The following MYH4 variants were observed in gnomAD, a reference collection of about 807,000 sequenced individuals.
The protein encoded by MYH4 is myosin heavy chain 4.
MYH4 carries 200 observed loss-of-function variants against 229.9 expected under a neutral mutation model. The observed-to-expected ratio is 0.87, with a 90% CI of 0.78 to 0.98. The LOEUF (loss-of-function observed/expected upper bound fraction) is 0.98, where lower values mean the gene tolerates loss of function less well. MYH4 is among the 50% of genes least tolerant of loss of function. The pLI is 0.00. For missense variants in MYH4, 2,148 were observed against 2,332.6 expected, an observed-to-expected ratio of 0.92 and a Z score of 1.63; for synonymous variants, 761 against 834.6, an observed-to-expected ratio of 0.91 and a Z score of 1.52.
chr17:10,465,626 C>G, intron 4 of MYH4, 28 bp from the exon 5 acceptor site: 1 of 1,613,816 alleles, frequency 6.2e-7, no homozygotes, highest in Non-Finnish European at 8.5e-7. Context: ...GTTCCTCGAT[C>G]AGCAATCACC....
chr17:10,466,467 C>T (rs1180715765), intron 3 of MYH4, 51 bp from the exon 4 acceptor site: 1 of 1,612,074 alleles, frequency 6.2e-7, no homozygotes, highest in Admixed American at 1.7e-5. Flanking sequence ...GCAGAAAAAG[C>T]CAGGTCAAAA....
chr17:10,448,050 C>A lies in MYH4; in HGVS notation c.4733G>T (p.Arg1578Leu), dbSNP rs761755212. The change falls in exon 34 of 40, where the codon CGA becomes CTA. Residue 1578 changes from arginine (R) to leucine (L), a missense_variant. Transcript: ENST00000255381. ...ELNQVKSEIDRKIAEKDEELD... is the reference protein window; with the variant it reads ...ELNQVKSEIDLKIAEKDEELD... ...TTCTTCATCTTTTTCAGCAATTTTT[C>A]GGTCAATCTCAGATTTCACCTGATT... The A allele has an allele frequency of 1.2e-6, 2 of 1,613,928 alleles. No individual in the cohort carries two copies. The highest frequency in any genetic ancestry group is 1.3e-5 in the African/African-American group (1 of 74,896).
At position 10,460,335 on chromosome 17, in the gene MYH4, G is replaced by T. The variant is rs536766620; in HGVS notation, c.1148-14C>A. On this transcript the variant is annotated splice_polypyrimidine_tract_variant and intron_variant, in intron 12 of 39. Coordinates refer to ENST00000255381, the MANE Select transcript of MYH4 (RefSeq NM_017533.2). ...CTTTGTCAGCAACTGTGTGAACAAG[G>T]TGAGAATGGTGAAACTGACCATGGC... is the stretch of plus-strand genomic sequence containing the variant. 1.9e-6 allele frequency: 3 copies of T among 1,549,322 alleles called. No individual in the cohort carries two copies. The Admixed American group carries it at 5.2e-5, about 27-fold the overall frequency.
In MYH4 at chr17:10,453,743, C is replaced by T; in HGVS notation, c.2834G>A (p.Arg945Lys). The change falls in exon 23 of 40, where the codon AGG becomes AAG. Residue 945 changes from arginine to lysine, a missense_variant. Transcript: ENST00000255381. ...CTCTGAACATTCATCCTCCAGTTTC[C>T]TCTTCTTGGCTGTCAGCTCAGCATT... ...EINAELTAKK[R>K]KLEDECSELK... 4 of 1,614,048 alleles carry T rather than the reference C, an allele frequency of 2.5e-6. No homozygotes were observed. Among genetic ancestry groups the T allele is most frequent in the South Asian group, 1.1e-5 (1 of 91,078 alleles).
At chr17:10,450,017 T>C (rs2072555052) in intron 30 of MYH4, among the ~76,000 whole-genome samples, 1 of 152,210 alleles carries the variant, frequency 6.6e-6, no homozygotes, top group Admixed American at 6.5e-5. Context: ...AGGTTGTTAG[T>C]TGAAATAATG....
chr17:10,451,267 G>A, intron 28 of MYH4, 59 bp downstream of exon 28: 1 of 1,584,970 alleles, frequency 6.3e-7, no homozygotes, highest in Non-Finnish European at 8.6e-7. Flanking sequence ...TGATAGGTAG[G>A]TAAAGGCTTG....
intron 30 of MYH4, 22 bp from the exon 31 acceptor site, chr17:10,449,069 G>A: frequency 1.2e-6 from 2 of 1,610,340 alleles, no homozygotes; most frequent in East Asian, 2.2e-5. Context: ...GTCAGTATGA[G>A]TGACCAAGAG....
At chr17:10,468,358 C>A (rs562033297) in intron 2 of MYH4, among the ~76,000 whole-genome samples, 1 of 152,216 alleles carries the variant, frequency 6.6e-6, no homozygotes, top group South Asian at 2.1e-4. Flanking sequence ...CCCAATAGAG[C>A]CTCAGGTTGT....
At position 10,445,166 on chromosome 17, in the gene MYH4, T is replaced by G; in HGVS notation, c.5296-20A>C. ...GGCAGCCTAGTTAGCAAATAAATTT[T>G]GAAAATAATGAATTCTGATGATAGC... On this transcript the variant is annotated intron_variant, in intron 36 of 39. Coordinates refer to ENST00000255381, the MANE Select transcript of MYH4 (RefSeq NM_017533.2). The G allele has an allele frequency of 2.5e-6, 4 of 1,614,172 alleles. No homozygotes were observed. Among genetic ancestry groups the G allele is most frequent in the Non-Finnish European group, 3.4e-6 (4 of 1,180,014 alleles).
At position 10,452,191 on chromosome 17, in the gene MYH4, G is replaced by T. The variant is rs1177159333; in HGVS notation, c.3488C>A (p.Ala1163Asp). Residue 1163 changes from alanine (A) to aspartate (D), a missense_variant, in exon 27 of 40, where the codon GCC becomes GAC. By Grantham distance (126) the Ala-to-Asp change is moderately radical. Coordinates refer to ENST00000255381, the MANE Select transcript of MYH4 (RefSeq NM_017533.2). ...CCGCTTCTTGTTCATCTCAATCTGG[G>T]CTGAAGTGGCCCCACCGGCTTCTTC... ...RLEEAGGATS[A>D]QIEMNKKREA... 6.2e-7 allele frequency: 1 copy of T among 1,613,794 alleles called. No homozygotes were observed. Among genetic ancestry groups the T allele is most frequent in the South Asian group, 1.1e-5 (1 of 91,056 alleles).
chr17:10,447,745 G>A (rs1020526783), intron 34 of MYH4, 73 bp downstream of exon 34: 17 of 1,411,202 alleles, frequency 1.2e-5, no homozygotes, highest in African/African-American at 1.0e-4. Context: ...CATAGTCCTC[G>A]TAAAACATTA....
At chr17:10,444,947 A>G (rs780179940) in intron 37 of MYH4, 29 bp downstream of exon 37, 9 of 1,614,096 alleles carry the variant, frequency 5.6e-6, no homozygotes, top group Non-Finnish European at 7.6e-6. Flanking sequence ...ACTGGCCACA[A>G]GGAATTGAGT....
chr17:10,449,261 C>CGT (rs1567699336), intron 30 of MYH4, among the ~76,000 whole-genome samples: 12 of 152,014 alleles, frequency 7.9e-5, no homozygotes, highest in Non-Finnish European at 1.6e-4. Context: ...TTACGAAGCA[C>CGT]CTGTGTGTGT....
At position 10,452,865 on chromosome 17, in the gene MYH4, T is replaced by G; in HGVS notation, c.3179A>C (p.Glu1060Ala). The G allele has an allele frequency of 6.2e-7, 1 of 1,608,990 alleles. No homozygotes were observed. The highest frequency in any genetic ancestry group is 1.1e-5 in the South Asian group (1 of 89,054). The change falls in exon 25 of 40, where the codon GAG (glutamate) becomes GCG (alanine). Residue 1060 changes from glutamate (E) to alanine (A), a missense_variant. Glu to Ala is a moderately radical substitution (Grantham distance 107, BLOSUM62 -1). Transcript: ENST00000255381. ...TTCTTGGGCCAATTTTAGGTCACCC[T>G]CCAGTTTTCTCTTGGCTCTTTCTAA... ...MDLERAKRKLEGDLKLAQEST... is the reference protein window; with the variant it reads ...MDLERAKRKLAGDLKLAQEST...
At position 10,453,406 on chromosome 17, in the gene MYH4, A is replaced by G. The variant is rs563758449; in HGVS notation, c.2935-78T>C. The G allele has an allele frequency of 1.0e-3, 1,669 of 1,605,456 alleles. 4 individuals are homozygous for G. Among genetic ancestry groups the G allele is most frequent in the Non-Finnish European group, 1.3e-3 (1,487 of 1,175,314 alleles). On this transcript the variant is annotated intron_variant, in intron 23 of 39. Coordinates refer to ENST00000255381, the MANE Select transcript of MYH4 (RefSeq NM_017533.2). ...GAAAAACATGATGCTGTAGTATCTT[A>G]GGATAATGTCAGCGTAAGATGGAAA...
intron 8 of MYH4, 67 bp from the exon 9 acceptor site, chr17:10,463,468 C>G: frequency 1.3e-6 from 2 of 1,579,906 alleles, no homozygotes; most frequent in South Asian, 2.3e-5. Flanking sequence ...AGCTGTGGAC[C>G]AAACAGGTGG....
At chr17:10,465,351 A>C (rs1472785632) in intron 5 of MYH4, 91 bp downstream of exon 5, 3 of 1,459,072 alleles carry the variant, frequency 2.1e-6, no homozygotes, top group Non-Finnish European at 2.9e-6. Context: ...TGTGCTGAAC[A>C]GTTATTCTCA....
intron 15 of MYH4, 136 bp downstream of exon 15, chr17:10,459,114 AC>A: frequency 7.1e-7 from 1 of 1,399,954 alleles, no homozygotes; most frequent in South Asian, 1.3e-5. Flanking sequence ...CTTGGAACAT[AC>A]CTCACAACCA....
chr17:10,459,210 T>G, intron 15 of MYH4, 41 bp downstream of exon 15: 2 of 1,613,842 alleles, frequency 1.2e-6, no homozygotes, highest in East Asian at 4.5e-5. Flanking sequence ...AGGCAAGCAA[T>G]TTGGTTTTCA....
Sources: gnomAD v4.1 joint callset for allele counts (sites outside exome capture counted in the v4.1 genomes callset) on GRCh38, gnomAD v4.1.1 for gene constraint, MANE v1.5 for transcripts, NCBI Gene and HGNC (gene_info 2026-07-23, HGNC 2026-07-21) for gene names.